Variants in NTSR1 observed in about 807,000 individuals in gnomAD.
NTSR1 encodes the protein neurotensin receptor 1, also known as neurotensin receptor type 1.
NTSR1 carries 29 observed loss-of-function variants against 31.2 expected under a neutral mutation model. The ratio of observed to expected loss-of-function variants is 0.93; its 90% CI spans 0.69 to 1.27. The LOEUF is 1.27. Among genes scored for constraint, NTSR1 ranks in the 50% most tolerant of loss-of-function variants. NTSR1 has a pLI of 0.00. For synonymous variants in NTSR1, 282 were observed against 269.9 expected, an observed-to-expected ratio of 1.04 and a Z score of -0.44; for missense variants, 697 against 595.4, an observed-to-expected ratio of 1.17 and a Z score of -1.78.
rs568691147 is a variant in NTSR1, at chr20:62,749,974, G to A, written c.715-4711G>A. 8.5e-5 allele frequency among the ~76,000 whole-genome samples: 13 copies of A among 152,242 alleles called. No individual in the cohort carries two copies. The East Asian group carries it at 1.2e-3, about 14-fold the overall frequency. Reference sequence around the variant, plus strand: ...TATTTATGCAAAGGAAGCGGAATCCGGATCTTGAAAAGATCCCTGCAAGCC... The same window carrying A: ...TATTTATGCAAAGGAAGCGGAATCCAGATCTTGAAAAGATCCCTGCAAGCC... On this transcript the variant is annotated intron_variant, in intron 1 of 3. Transcript: ENST00000370501.
intron 1 of NTSR1, among the ~76,000 whole-genome samples, chr20:62,720,394 C>CCATATAATCT (rs1988810796): frequency 6.6e-6 from 1 of 152,164 alleles, no homozygotes; most frequent in Non-Finnish European, 1.5e-5. Context: ...AGGAATTGGT[C>CCATATAATCT]CATATAATCT....
At chr20:62,731,856 C>A (rs1394435832) in intron 1 of NTSR1, among the ~76,000 whole-genome samples, 2 of 152,218 alleles carry the variant, frequency 1.3e-5, no homozygotes, top group Non-Finnish European at 2.9e-5. Context: ...TGGTGGCTCA[C>A]GCCTGTAATC....
chr20:62,710,992 G>C (rs539413953), intron 1 of NTSR1, among the ~76,000 whole-genome samples: 18 of 152,312 alleles, frequency 1.2e-4, no homozygotes, highest in Admixed American at 3.3e-4. Flanking sequence ...AGCATCGCCA[G>C]CCTCCCAGCT....
At chr20:62,750,349 G>A (rs898256654) in intron 1 of NTSR1, among the ~76,000 whole-genome samples, 16 of 152,130 alleles carry the variant, frequency 1.1e-4, no homozygotes, top group Admixed American at 5.2e-4. Context: ...GTTATAAGGC[G>A]AGTACATTCC....
intron 1 of NTSR1, among the ~76,000 whole-genome samples, chr20:62,719,733 G>A (rs6062957): frequency 0.39 from 59,707 of 152,032 alleles, 13,352 homozygotes; most frequent in East Asian, 0.72. Context: ...ACCTCATTTC[G>A]TCGTGTATTA....
chr20:62,732,540 G>A lies in NTSR1; in HGVS notation c.715-22145G>A, dbSNP rs908203793. ...CTGCATGAGATTCGCTGCTATTTGT[G>A]TAATTCTTAGTATGTGGTGCTGGTT... On this transcript the variant is annotated intron_variant, in intron 1 of 3. Transcript: ENST00000370501. This position sits in a 1 kb window ranked among gnomAD's most constrained non-coding sequence, Gnocchi z 4.0. 3 of 152,180 alleles carry A rather than the reference G, an allele frequency of 2.0e-5. No homozygotes were observed. The highest frequency in any genetic ancestry group is 7.2e-5 in the African/African-American group (3 of 41,416). The allele number at this position is 152,180 out of a possible 1,614,324, so 9.4% of individuals were successfully genotyped here.
Position 62,711,201 on chromosome 20 carries a change from G to C in NTSR1, c.714+1280G>C, listed in dbSNP as rs1164845051. On this transcript the variant is annotated intron_variant, in intron 1 of 3. Coordinates refer to ENST00000370501, the MANE Select transcript of NTSR1 (RefSeq NM_002531.3). The surrounding 1 kb of genome is among the most constrained non-coding windows in gnomAD (Gnocchi z 6.4). ...GTCTCCCTGGCTGCACATAGAACTG[G>C]TGGCTACAGGTGTCCCATCTCGGGG... Among the ~76,000 whole-genome samples the C allele has an allele frequency of 1.3e-5, 2 of 152,164 alleles. No individual in the cohort carries two copies. Among genetic ancestry groups the C allele is most frequent in the Non-Finnish European group, 1.5e-5 (1 of 68,008 alleles).
intron 2 of NTSR1, among the ~76,000 whole-genome samples, chr20:62,757,928 G>A (rs1040658326): frequency 2.6e-5 from 4 of 151,740 alleles, no homozygotes; most frequent in South Asian, 2.1e-4. Context: ...CTGAGCCCAC[G>A]CCTCTGTGCC....
At chr20:62,726,956 C>A (rs1306757391) in intron 1 of NTSR1, among the ~76,000 whole-genome samples, 2 of 152,202 alleles carry the variant, frequency 1.3e-5, no homozygotes, top group Non-Finnish European at 2.9e-5. Context: ...GTCCTCTGAG[C>A]CCCATCTGGA....
chr20:62,747,951 G>T (rs1227593724), intron 1 of NTSR1, among the ~76,000 whole-genome samples: 1 of 152,206 alleles, frequency 6.6e-6, no homozygotes, highest in Non-Finnish European at 1.5e-5. Flanking sequence ...CGAGGCGGGT[G>T]GATCACCTGA....
chr20:62,756,863 T>C (rs1989522316), intron 2 of NTSR1: 1 of 152,268 alleles, frequency 6.6e-6, no homozygotes, highest in South Asian at 2.1e-4. Context: ...TAATAACATC[T>C]TTCATGTGCT....
At chr20:62,726,090 G>A (rs1039818589) in intron 1 of NTSR1, among the ~76,000 whole-genome samples, 3 of 152,238 alleles carry the variant, frequency 2.0e-5, no homozygotes, top group Admixed American at 1.3e-4. Context: ...CTTGGGGTTC[G>A]CAGCCTCCAC....
At chr20:62,738,364 T>TG (rs1989142994) in intron 1 of NTSR1, among the ~76,000 whole-genome samples, 2 of 152,170 alleles carry the variant, frequency 1.3e-5, no homozygotes, top group African/African-American at 4.8e-5. Context: ...CAGCCCGGCT[T>TG]GGGGAGAAGC....
At position 62,726,694 on chromosome 20, in the gene NTSR1, C is replaced by CAAA. The variant is rs11445641; in HGVS notation, c.714+16786_714+16788dup. 3.2e-3 allele frequency among the ~76,000 whole-genome samples: 453 copies of CAAA among 142,494 alleles called. 1 individual carries two copies. The highest frequency in any genetic ancestry group is 5.8e-3 in the East Asian group (28 of 4,846). 93.5% of individuals were successfully genotyped at this position (142,494 alleles called of 152,430 possible). A position where few individuals can be genotyped will look rare whatever the true frequency, so the allele number is the denominator to read the frequency against. On this transcript the variant is annotated intron_variant, in intron 1 of 3. Transcript: ENST00000370501. ...TGGACGGCAGAGCAGGAACCTGTCT[C>CAAA]AAAAAAAAAAAAAAATGGTGGGAAT...
chr20:62,724,892 C>T (rs1006073603), intron 1 of NTSR1, among the ~76,000 whole-genome samples: 5 of 152,212 alleles, frequency 3.3e-5, no homozygotes, highest in Non-Finnish European at 7.3e-5. Flanking sequence ...TCCCCCTGTG[C>T]GTCTCTGTGT....
chr20:62,709,913 G>A lies in NTSR1; in HGVS notation c.706G>A (p.Val236Ile), dbSNP rs1988574107. The A allele has an allele frequency of 1.9e-6, 3 of 1,590,310 alleles. No individual in the cohort carries two copies. Among genetic ancestry groups the A allele is most frequent in the Non-Finnish European group, 2.6e-6 (3 of 1,164,980 alleles). Residue 236 changes from valine to isoleucine, a missense_variant, in exon 1 of 4, where the codon GTC (valine) becomes ATC (isoleucine). Val to Ile is a conservative substitution (Grantham distance 29). Coordinates refer to ENST00000370501, the MANE Select transcript of NTSR1 (RefSeq NM_002531.3). ...PTIHTATVKVVIQVNTFMSFI... is the reference protein window; with the variant it reads ...PTIHTATVKVIIQVNTFMSFI... ...CATCCACACTGCCACCGTCAAGGTC[G>A]TCATACAGGTGAGCCTCAGTAACCA...
intron 1 of NTSR1, among the ~76,000 whole-genome samples, chr20:62,712,824 T>A (rs1040395092): frequency 3.3e-5 from 5 of 152,220 alleles, no homozygotes; most frequent in African/African-American, 1.2e-4. Flanking sequence ...CAGCTCAGCT[T>A]TGACCTCGGC....
At chr20:62,723,126 T>C (rs1307231573) in intron 1 of NTSR1, among the ~76,000 whole-genome samples, 6 of 152,248 alleles carry the variant, frequency 3.9e-5, no homozygotes, top group African/African-American at 1.2e-4. Context: ...TTGACATATT[T>C]AAAGGTTAAG....
intron 2 of NTSR1, among the ~76,000 whole-genome samples, chr20:62,757,119 G>C (rs138594457): frequency 2.3e-4 from 35 of 152,284 alleles, no homozygotes; most frequent in Middle Eastern, 3.4e-3. Context: ...TTTGTGGCCT[G>C]TGCTTTTGGT....
Sources: gnomAD v4.1 joint callset for allele counts (sites outside exome capture counted in the v4.1 genomes callset) on GRCh38, gnomAD v4.1.1 for gene constraint, Gnocchi (gnomAD v3.1) non-coding constraint, MANE v1.5 for transcripts, NCBI Gene and HGNC (gene_info 2026-07-23, HGNC 2026-07-21) for gene names.